The following XRCC2 variants were observed in gnomAD, a reference collection of about 807,000 sequenced individuals.
The protein encoded by XRCC2 is X-ray repair cross complementing 2.
Under a neutral mutation model 27.3 loss-of-function variants are expected in XRCC2, and 24 were observed. The observed-to-expected ratio is 0.88, with a 90% confidence interval of 0.64 to 1.24. The LOEUF is 1.24. Among genes scored for constraint, XRCC2 ranks in the 50% most tolerant of loss-of-function variants. The pLI is 0.00. For missense variants in XRCC2, 321 were observed against 325.8 expected, an observed-to-expected ratio of 0.99 and a Z score of 0.11; for synonymous variants, 106 against 115.4, an observed-to-expected ratio of 0.92 and a Z score of 0.52.
At chr7:152,650,743 G>T (rs1405949565) in intron 2 of XRCC2, among the ~76,000 whole-genome samples, 1 of 151,930 alleles carries the variant, frequency 6.6e-6, no homozygotes, top group Non-Finnish European at 1.5e-5. Flanking sequence ...AAAATTAGCT[G>T]GGCATGGTGG....
Position 152,676,063 on chromosome 7 carries a change from T to C in XRCC2, c.17A>G (p.His6Arg). Reference sequence around the variant, plus strand: ...CACCTCGGTCCCAGACTCAGCCCTATGGAAGGCACTACACATCGCCCCGAA... The same window carrying C: ...CACCTCGGTCCCAGACTCAGCCCTACGGAAGGCACTACACATCGCCCCGAA... Reference protein sequence around the residue: MCSAFHRAESGTELLA... With the variant: MCSAFRRAESGTELLA... Residue 6 changes from histidine (H) to arginine (R), a missense_variant, in exon 1 of 3, where the codon CAT becomes CGT. Coordinates refer to ENST00000359321, the MANE Select transcript of XRCC2 (RefSeq NM_005431.2). The C allele has an allele frequency of 1.9e-6, 3 of 1,613,834 alleles. No individual in the cohort carries two copies. The highest frequency in any genetic ancestry group is 2.2e-5 in the South Asian group (2 of 91,090).
intron 1 of XRCC2, among the ~76,000 whole-genome samples, chr7:152,663,346 TA>T (rs530664762): frequency 0.086 from 6,898 of 80,584 alleles, 353 homozygotes; most frequent in Admixed American, 0.17. Context: ...GTCTTTGAAG[TA>T]AAAAAAAAAA....
Position 152,662,729 on chromosome 7 carries a change from C to T in XRCC2, c.40-1947G>A, listed in dbSNP as rs3218462. On this transcript the variant is annotated intron_variant, in intron 1 of 2. Coordinates refer to ENST00000359321, the MANE Select transcript of XRCC2 (RefSeq NM_005431.2). ...CTGGGACTACAGGCGCCCGCCACTA[C>T]GCCCGGCTAATTTTTTTGTATTTTT... Among the ~76,000 whole-genome samples, 430 of 150,656 alleles carry T rather than the reference C, an allele frequency of 2.9e-3. 2 individuals are homozygous for T. Among genetic ancestry groups the T allele is most frequent in the African/African-American group, 9.7e-3 (399 of 41,026 alleles).
At chr7:152,653,648 G>A (rs1242862284) in intron 2 of XRCC2, among the ~76,000 whole-genome samples, 1 of 151,518 alleles carries the variant, frequency 6.6e-6, no homozygotes, top group African/African-American at 2.4e-5. Flanking sequence ...TTTTTGTAGA[G>A]ATGGAGTCTT....
At chr7:152,674,093 T>C (rs1188751077) in intron 1 of XRCC2, among the ~76,000 whole-genome samples, 4 of 151,988 alleles carry the variant, frequency 2.6e-5, no homozygotes, top group African/African-American at 4.8e-5. Context: ...AAAAGGAAAA[T>C]AGAGCAGCGC....
chr7:152,667,356 G>A (rs1211946609), intron 1 of XRCC2, among the ~76,000 whole-genome samples: 1 of 125,160 alleles, frequency 8.0e-6, no homozygotes, highest in Non-Finnish European at 1.6e-5. Flanking sequence ...GGTGAGCCGA[G>A]ATTACGCCAT....
rs2098025021 is a variant in XRCC2 at position 152,644,810 on chromosome 7, AT to A, written c.*3831del. 6.6e-6 allele frequency: 1 copy of A among 152,178 alleles called. No homozygotes were observed. Among genetic ancestry groups the A allele is most frequent in the Admixed American group, 6.5e-5 (1 of 15,274 alleles). The allele number at this position is 152,178 out of a possible 1,614,324, so 9.4% of individuals were successfully genotyped here. Reference sequence around the variant, plus strand: ...TTCTGTCTTTAGTAGTGGTATTTCCATTTACAAAACATAGTAATTCTTGATC... The same window carrying A: ...TTCTGTCTTTAGTAGTGGTATTTCCATTACAAAACATAGTAATTCTTGATC... On this transcript the variant is annotated 3_prime_UTR_variant, in exon 3 of 3. Transcript: ENST00000359321.
chr7:152,673,428 G>A (rs1236328454), intron 1 of XRCC2, among the ~76,000 whole-genome samples: 1 of 151,960 alleles, frequency 6.6e-6, no homozygotes, highest in Non-Finnish European at 1.5e-5. Context: ...ACCTCCCAAA[G>A]TGTTGGGATT....
At chr7:152,673,254 C>T (rs1193082727) in intron 1 of XRCC2, among the ~76,000 whole-genome samples, 1 of 152,080 alleles carries the variant, frequency 6.6e-6, no homozygotes, top group Non-Finnish European at 1.5e-5. Context: ...GTGATGTCGG[C>T]TCACTGAAAC....
chr7:152,669,367 C>A (rs1186119510), intron 1 of XRCC2, among the ~76,000 whole-genome samples: 2 of 152,158 alleles, frequency 1.3e-5, no homozygotes, highest in East Asian at 3.9e-4. Context: ...ATTGCTGGAG[C>A]AAGCATTTAG....
chr7:152,646,200 C>T lies in XRCC2; in HGVS notation c.*2442G>A, dbSNP rs1398203984. The T allele has an allele frequency of 1.3e-5, 2 of 152,216 alleles. No individual in the cohort carries two copies. Among genetic ancestry groups the T allele is most frequent in the African/African-American group, 2.4e-5 (1 of 41,510 alleles). The allele number at this position is 152,216 out of a possible 1,614,324, so 9.4% of individuals were successfully genotyped here. A position where few individuals can be genotyped will look rare whatever the true frequency, so the allele number is the denominator to read the frequency against. Reference sequence around the variant, plus strand: ...ATCAATGTCTAATGTTGATACTTTTCCCCTTCTCCCGGACAATGCAAGGAC... The same window carrying T: ...ATCAATGTCTAATGTTGATACTTTTTCCCTTCTCCCGGACAATGCAAGGAC... On this transcript the variant is annotated 3_prime_UTR_variant, in exon 3 of 3. Transcript: ENST00000359321.
Position 152,648,848 on chromosome 7 carries a change from A to G in XRCC2, c.637T>C (p.Ser213Pro). The change falls in exon 3 of 3, where the codon TCT becomes CCT. Residue 213 changes from serine (S) to proline (P), a missense_variant. Physicochemically the swap from Ser to Pro is moderately conservative, Grantham distance 74 (BLOSUM62 -1). Transcript: ENST00000359321. ...ATGTCCACATCACACAGTCGTCGAG[A>G]GGCATGAGAAGGTTCTTCTGATGAG... ...SSSSEEPSHA[S>P]RRLCDVDIDY... 6.2e-7 allele frequency: 1 copy of G among 1,613,754 alleles called. No homozygotes were observed. Among genetic ancestry groups the G allele is most frequent in the South Asian group, 1.1e-5 (1 of 91,066 alleles).
rs950193161 is a variant in XRCC2 at position 152,645,062 on chromosome 7, G to A, written c.*3580C>T. 2.6e-5 allele frequency: 4 copies of A among 152,184 alleles called. No homozygotes were observed. In the East Asian group the frequency reaches 7.7e-4, roughly 29 times the overall value. The allele number at this position is 152,184 out of a possible 1,614,324, so 9.4% of individuals were successfully genotyped here. A position where few individuals can be genotyped will look rare whatever the true frequency, so the allele number is the denominator to read the frequency against. ...CAGTAAGATTTGCTTCAGCCTCCAA[G>A]AGTGTGTTTACGTAAAATTAAATGA... On this transcript the variant is annotated 3_prime_UTR_variant, in exon 3 of 3. Coordinates refer to ENST00000359321, the MANE Select transcript of XRCC2 (RefSeq NM_005431.2).
At chr7:152,659,819 C>T (rs1032082597) in intron 2 of XRCC2, among the ~76,000 whole-genome samples, 1 of 152,184 alleles carries the variant, frequency 6.6e-6, no homozygotes, top group African/African-American at 2.4e-5. Flanking sequence ...CTGAAGACAT[C>T]TATCCACAGA....
chr7:152,662,038 C>T (rs962682495), intron 1 of XRCC2, among the ~76,000 whole-genome samples: 7 of 152,148 alleles, frequency 4.6e-5, no homozygotes, highest in Non-Finnish European at 7.3e-5. Flanking sequence ...GATCTCTGCT[C>T]ACTGTAACCT....
In XRCC2 at chr7:152,660,786, A is replaced by G; in HGVS notation, c.40-4T>C. On this transcript the variant is annotated splice_region_variant and splice_polypyrimidine_tract_variant and intron_variant, in intron 1 of 2. Coordinates refer to ENST00000359321, the MANE Select transcript of XRCC2 (RefSeq NM_005431.2). ...TACCTTCAAGTCGGGCAAGGAGCTT[A>G]TAAAAGAAGAGAGAAGGAAAACTCA... 1 of 1,603,336 alleles carries G rather than the reference A, an allele frequency of 6.2e-7. No individual in the cohort carries two copies. The highest frequency in any genetic ancestry group is 8.5e-7 in the Non-Finnish European group (1 of 1,174,906).
Position 152,649,015 on chromosome 7 carries a change from A to G in XRCC2, c.470T>C (p.Ile157Thr), listed in dbSNP as rs768674116. ...ACTTTCTCCTCCATTGACGCGGTCT[A>G]TCCAGTAAAAAGCTGACAGGCTATC... Reference protein sequence around the residue: ...ILDSLSAFYWIDRVNGGESVN... With the variant: ...ILDSLSAFYWTDRVNGGESVN... The change falls in exon 3 of 3, where the codon ATA (isoleucine) becomes ACA (threonine). Residue 157 changes from isoleucine to threonine, a missense_variant. Ile to Thr is a moderately conservative substitution (Grantham distance 89). Transcript: ENST00000359321. 6.2e-7 allele frequency: 1 copy of G among 1,614,222 alleles called. No homozygotes were observed. Among genetic ancestry groups the G allele is most frequent in the South Asian group, 1.1e-5 (1 of 91,086 alleles).
intron 2 of XRCC2, among the ~76,000 whole-genome samples, chr7:152,654,719 CTG>C (rs1263062928): frequency 1.3e-5 from 2 of 151,426 alleles, no homozygotes; most frequent in Non-Finnish European, 3.0e-5. Flanking sequence ...ACGAGTGAAA[CTG>C]AGGCAAAGAA....
intron 2 of XRCC2, among the ~76,000 whole-genome samples, chr7:152,655,791 A>T (rs2098030471): frequency 1.3e-5 from 2 of 152,050 alleles, no homozygotes; most frequent in Non-Finnish European, 2.9e-5. Flanking sequence ...CAGGTGGATC[A>T]CTTGAGGTCA....
Sources: gnomAD v4.1 joint callset for allele counts (sites outside exome capture counted in the v4.1 genomes callset) on GRCh38, gnomAD v4.1.1 for gene constraint, MANE v1.5 for transcripts, NCBI Gene and HGNC (gene_info 2026-07-23, HGNC 2026-07-21) for gene names.